Variants in CWC22 observed in about 807,000 individuals in gnomAD.
CWC22 encodes the protein pre-mRNA-splicing factor CWC22 homolog.
CWC22 carries 53 observed loss-of-function variants against 117.2 expected under a neutral mutation model. That is an observed-to-expected ratio of 0.45 (90% confidence interval 0.36 to 0.57). The LOEUF (loss-of-function observed/expected upper bound fraction) is 0.57. Ranked by LOEUF, CWC22 falls within the 20% of genes least tolerant of loss-of-function variation. The probability of loss-of-function intolerance (pLI) is 0.00; values close to 1 mark genes in which losing one functional copy is unlikely to be tolerated. For missense variants in CWC22, 980 were observed against 1,068.8 expected, an observed-to-expected ratio of 0.92 and a Z score of 1.16; for synonymous variants, 360 against 355.6, an observed-to-expected ratio of 1.01 and a Z score of -0.14.
chr2:179,999,660 A>G lies in CWC22; in HGVS notation c.-113-6206T>C, dbSNP rs367913639. On this transcript the variant is annotated intron_variant, in intron 1 of 19. Coordinates refer to ENST00000410053, the MANE Select transcript of CWC22 (RefSeq NM_020943.3). ...ATTGTCACTTCGGTGTTCTCAGTCC[A>G]AGTTAGAGGAACTTGCTGAAACATA... Among the ~76,000 whole-genome samples, 8 of 152,186 alleles carry G rather than the reference A, an allele frequency of 5.3e-5. No individual in the cohort carries two copies. In the East Asian group the frequency reaches 1.3e-3, roughly 26 times the overall value.
At chr2:179,981,179 C>A (rs1687276142) in intron 5 of CWC22, among the ~76,000 whole-genome samples, 1 of 152,172 alleles carries the variant, frequency 6.6e-6, no homozygotes, top group South Asian at 2.1e-4. Flanking sequence ...GAGCCAAATG[C>A]AGCTGACCAC....
chr2:179,978,219 C>A lies in CWC22; in HGVS notation c.552G>T (p.Glu184Asp). The A allele has an allele frequency of 6.4e-7, 1 of 1,550,990 alleles. No individual in the cohort carries two copies. Among genetic ancestry groups the A allele is most frequent in the Non-Finnish European group, 8.7e-7 (1 of 1,153,412 alleles). Residue 184 changes from glutamate to aspartate, a missense_variant, in exon 6 of 20, where the codon GAG becomes GAT. Glu to Asp is a conservative substitution (Grantham distance 45, BLOSUM62 2). Around this residue, in one of 3 missense-constraint regions of CWC22, gnomAD observed 559 missense variants for 602.3 expected, o/e 0.93. Transcript: ENST00000410053. ...NISNISIIIQ[E>D]LLQENIVRGR... The stretch of plus-strand genomic sequence containing the variant: ...CTCTAACTATATTTTCTTGAAGAAG[C>A]TCTTGAATAATAATACTTATGTTGG...
At chr2:179,954,088 T>A in intron 16 of CWC22, 117 bp downstream of exon 16, 4 of 655,766 alleles carry the variant, frequency 6.1e-6, no homozygotes, top group East Asian at 2.8e-5. Flanking sequence ...ACAGCAGTTC[T>A]ACACATTTCA....
chr2:179,986,291 A>G (rs1222719965), intron 4 of CWC22, among the ~76,000 whole-genome samples: 1 of 152,132 alleles, frequency 6.6e-6, no homozygotes, highest in Non-Finnish European at 1.5e-5. Flanking sequence ...AGGAAAGTAA[A>G]TTTAGACCAC....
chr2:179,977,021 T>G, intron 6 of CWC22, among the ~76,000 whole-genome samples: 1 of 152,038 alleles, frequency 6.6e-6, no homozygotes, highest in Non-Finnish European at 1.5e-5. Flanking sequence ...CCCAGTGTGG[T>G]GGTGAGTGCT....
intron 6 of CWC22, 23 bp from the exon 7 acceptor site, chr2:179,973,825 AG>A: frequency 6.9e-7 from 1 of 1,444,146 alleles, no homozygotes; most frequent in Non-Finnish European, 9.3e-7. Context: ...GAATTTAAAA[AG>A]GAGTCAACAA....
In CWC22 at chr2:179,973,736, T is replaced by C. The variant is rs372628591; in HGVS notation, c.648A>G (p.Ala216=). ...TTGAGTTGATAATTGCCACTAATGC[T>C]GCATAAACATGGGTGAAGATTGGAG... The part of the protein sequence containing the change: ...SASPIFTHVY[A]ALVAIINSKF... The change falls in exon 7 of 20, where the codon GCA becomes GCG. Residue 216 remains alanine (A), a synonymous_variant. Transcript: ENST00000410053. The C allele has an allele frequency of 1.5e-4, 243 of 1,610,756 alleles. No homozygotes were observed. In the African/African-American group the frequency reaches 1.8e-3, roughly 12 times the overall value.
intron 1 of CWC22, among the ~76,000 whole-genome samples, chr2:180,003,306 A>G (rs1179888150): frequency 6.6e-6 from 1 of 152,224 alleles, no homozygotes; most frequent in East Asian, 1.9e-4. Flanking sequence ...AGGCACTGCA[A>G]AAGGAAATCT....
At chr2:179,967,559 T>A (rs1686923492) in intron 11 of CWC22, among the ~76,000 whole-genome samples, 2 of 152,228 alleles carry the variant, frequency 1.3e-5, no homozygotes, top group African/African-American at 4.8e-5. Flanking sequence ...ACCTAAGCAC[T>A]AAACAAGGCA....
intron 19 of CWC22, among the ~76,000 whole-genome samples, chr2:179,949,380 C>T (rs1467349584): frequency 6.6e-6 from 1 of 152,146 alleles, no homozygotes; most frequent in African/African-American, 2.4e-5. Flanking sequence ...ACTTGAACAG[C>T]CACTTGACAA....
chr2:179,966,015 T>A, intron 11 of CWC22, 33 bp from the exon 12 acceptor site: 2 of 1,544,592 alleles, frequency 1.3e-6, no homozygotes, highest in Non-Finnish European at 1.8e-6. Flanking sequence ...AGGAAAAAAA[T>A]GTGCAAGTCA....
chr2:179,995,387 T>A (rs1335410054), intron 1 of CWC22, among the ~76,000 whole-genome samples: 1 of 152,170 alleles, frequency 6.6e-6, no homozygotes. Context: ...TATTCTGATA[T>A]CATGCAAGAG....
chr2:179,955,005 G>A lies in CWC22; in HGVS notation c.1488C>T (p.Cys496=), dbSNP rs1276269647. Reference sequence around the variant, plus strand: ...TTTCGTATGTCCTCTGTTGGGCACAGCAATCAAGTATCATGTTGCAGAGTT... The same window carrying A: ...TTTCGTATGTCCTCTGTTGGGCACAACAATCAAGTATCATGTTGCAGAGTT... The part of the protein sequence containing the change: ...TKELCNMILD[C]CAQQRTYEKF... Residue 496 remains cysteine, a synonymous_variant, in exon 15 of 20, where the codon TGC becomes TGT. Transcript: ENST00000410053. 1 of 1,601,180 alleles carries A rather than the reference G, an allele frequency of 6.2e-7. No homozygotes were observed. Among genetic ancestry groups the A allele is most frequent in the Non-Finnish European group, 8.5e-7 (1 of 1,173,080 alleles).
intron 1 of CWC22, among the ~76,000 whole-genome samples, chr2:180,003,843 G>GT (rs1479793045): frequency 6.6e-6 from 1 of 152,108 alleles, no homozygotes; most frequent in Non-Finnish European, 1.5e-5. Flanking sequence ...CCCATACCCC[G>GT]TTTTTGGTAT....
intron 19 of CWC22, among the ~76,000 whole-genome samples, chr2:179,948,932 G>T (rs1388661035): frequency 6.6e-6 from 1 of 152,200 alleles, no homozygotes; most frequent in Non-Finnish European, 1.5e-5. Flanking sequence ...AAATGAACCA[G>T]TGTTATGTAA....
chr2:179,957,111 T>C (rs1350828370), intron 14 of CWC22, among the ~76,000 whole-genome samples: 1 of 152,156 alleles, frequency 6.6e-6, no homozygotes, highest in Admixed American at 6.6e-5. Flanking sequence ...CAATTTATGA[T>C]GGCTTAATTA....
chr2:180,000,416 T>A (rs1339783993), intron 1 of CWC22, among the ~76,000 whole-genome samples: 1 of 152,200 alleles, frequency 6.6e-6, no homozygotes, highest in African/African-American at 2.4e-5. Context: ...TAATGTGACT[T>A]GATACAGTGC....
intron 13 of CWC22, among the ~76,000 whole-genome samples, chr2:179,964,076 CCTAAGT>C (rs1387903018): frequency 2.0e-5 from 3 of 152,304 alleles, no homozygotes; most frequent in African/African-American, 4.8e-5. Context: ...TCAAAATCTT[CCTAAGT>C]CTAATTCCTA....
intron 14 of CWC22, among the ~76,000 whole-genome samples, chr2:179,956,738 A>C (rs1364304102): frequency 6.6e-6 from 1 of 151,856 alleles, no homozygotes; most frequent in Non-Finnish European, 1.5e-5. Context: ...GCTTTTCTAA[A>C]TTCTACCAAA....
Sources: allele counts gnomAD v4.1 joint callset (sites outside exome capture counted in the v4.1 genomes callset), GRCh38; gene constraint gnomAD v4.1.1; regional missense constraint gnomAD v4.1.1; transcripts MANE v1.5; gene names NCBI Gene and HGNC (gene_info 2026-07-23, HGNC 2026-07-21).